BCL2L1: variants seen among roughly 807,000 people sequenced by gnomAD.
BCL2L1 encodes the protein bcl-2-like protein 1.
In BCL2L1, 1 loss-of-function variant was observed where a neutral mutation model predicts 18.7. That is an observed-to-expected ratio of 0.05 (90% CI 0.02 to 0.25). BCL2L1 has a LOEUF of 0.25. BCL2L1 is among the 10% of genes least tolerant of loss of function. The pLI, the probability that BCL2L1 is intolerant of heterozygous loss-of-function variation, is 1.00. For missense variants in BCL2L1, 207 were observed against 304.9 expected (o/e 0.68, Z 2.39); for synonymous variants, 103 against 122.7 (o/e 0.84, Z 1.06).
Position 31,681,964 on chromosome 20 carries a change from G to A in BCL2L1, c.565-15878C>T, listed in dbSNP as rs548939147. Reference sequence around the variant, plus strand: ...AGGGCAGGGCTCTGCCTAGGCTGTGGCTATTCCACTTTCAGCACACACATT... The same window carrying A: ...AGGGCAGGGCTCTGCCTAGGCTGTGACTATTCCACTTTCAGCACACACATT... On this transcript the variant is annotated intron_variant, in intron 2 of 2. Transcript: ENST00000307677. Among the ~76,000 whole-genome samples the A allele has an allele frequency of 2.0e-5, 3 of 152,334 alleles. No individual in the cohort carries two copies. In the South Asian group the frequency reaches 6.2e-4, roughly 32 times the overall value.
chr20:31,668,085 G>C (rs1015783896), intron 2 of BCL2L1, among the ~76,000 whole-genome samples: 1 of 151,916 alleles, frequency 6.6e-6, no homozygotes, highest in East Asian at 1.9e-4. Flanking sequence ...CTTCACTCCA[G>C]TCCCACTGGC....
chr20:31,706,231 G>A (rs6060821), intron 2 of BCL2L1, among the ~76,000 whole-genome samples: 44,217 of 151,982 alleles, frequency 0.29, 8,067 homozygotes, highest in African/African-American at 0.51. Flanking sequence ...GAAGTCCAGC[G>A]TAGGCAGGTA....
At chr20:31,702,357 G>A (rs988687828) in intron 2 of BCL2L1, among the ~76,000 whole-genome samples, 1 of 152,122 alleles carries the variant, frequency 6.6e-6, no homozygotes, top group East Asian at 1.9e-4. Context: ...GTTTTGCTGG[G>A]TGCAGTGGAT....
intron 2 of BCL2L1, among the ~76,000 whole-genome samples, chr20:31,667,387 G>C (rs1298009221): frequency 6.6e-6 from 1 of 151,834 alleles, no homozygotes; most frequent in Admixed American, 6.6e-5. Context: ...TTTGAACCCG[G>C]GAGACGGAGG....
In BCL2L1 at chr20:31,665,183, C is replaced by A. The variant is rs990927727; in HGVS notation, c.*766G>T. The stretch of plus-strand genomic sequence containing the variant: ...GGCATCTGTCTTGGGCCCAGTTGGT[C>A]CCTCAGTATGGTCATGGGAGCCAGG... On this transcript the variant is annotated 3_prime_UTR_variant, in exon 3 of 3. Coordinates refer to ENST00000307677, the MANE Select transcript of BCL2L1 (RefSeq NM_138578.3). 6.3e-5 allele frequency: 11 copies of A among 174,354 alleles called. No individual in the cohort carries two copies. The highest frequency in any genetic ancestry group is 2.5e-4 in the Admixed American group (4 of 15,724). The allele number at this position is 174,354 out of a possible 1,614,324, so 10.8% of individuals were successfully genotyped here.
At chr20:31,706,807 T>C (rs1366260986) in intron 2 of BCL2L1, among the ~76,000 whole-genome samples, 2 of 152,206 alleles carry the variant, frequency 1.3e-5, no homozygotes, top group Non-Finnish European at 2.9e-5. Context: ...GTTCTCAAAG[T>C]GCTTTTTCAT....
At chr20:31,672,809 C>T (rs1170017629) in intron 2 of BCL2L1, among the ~76,000 whole-genome samples, 1 of 152,182 alleles carries the variant, frequency 6.6e-6, no homozygotes, top group African/African-American at 2.4e-5. Context: ...ATAGTCCCTA[C>T]TTGAATCTGA....
At chr20:31,668,665 C>T (rs1255237077) in intron 2 of BCL2L1, among the ~76,000 whole-genome samples, 1 of 146,736 alleles carries the variant, frequency 6.8e-6, no homozygotes, top group Admixed American at 7.1e-5. Context: ...AGTACAATGG[C>T]GCGATCTCAG....
chr20:31,721,457 C>T, intron 2 of BCL2L1, 198 bp downstream of exon 2: 5 of 613,912 alleles, frequency 8.1e-6, no homozygotes, highest in Non-Finnish European at 1.3e-5. Flanking sequence ...TGAAAGATGC[C>T]TGATCTCTGA....
chr20:31,675,712 C>T (rs1206451207), intron 2 of BCL2L1, among the ~76,000 whole-genome samples: 8 of 152,124 alleles, frequency 5.3e-5, no homozygotes, highest in Admixed American at 3.3e-4. Context: ...TCAGTCCAGC[C>T]GGCCCAGGTA....
chr20:31,695,980 A>G (rs2061162072), intron 2 of BCL2L1, among the ~76,000 whole-genome samples: 1 of 151,992 alleles, frequency 6.6e-6, no homozygotes, highest in South Asian at 2.1e-4. Context: ...GGTTGTCACT[A>G]TGTTGCCCAG....
chr20:31,711,819 T>C (rs896602605), intron 2 of BCL2L1, among the ~76,000 whole-genome samples: 1 of 152,116 alleles, frequency 6.6e-6, no homozygotes, highest in Non-Finnish European at 1.5e-5. Context: ...AAATAACTTA[T>C]AAAAGGAGTT....
At chr20:31,689,561 G>A (rs1042002312) in intron 2 of BCL2L1, among the ~76,000 whole-genome samples, 25 of 152,076 alleles carry the variant, frequency 1.6e-4, no homozygotes, top group African/African-American at 5.5e-4. Flanking sequence ...GCTGGCAACC[G>A]CCTGAAAATC....
At chr20:31,695,653 C>T (rs2061154948) in intron 2 of BCL2L1, among the ~76,000 whole-genome samples, 1 of 152,156 alleles carries the variant, frequency 6.6e-6, no homozygotes, top group African/African-American at 2.4e-5. Flanking sequence ...GGCTTTGTCG[C>T]TCTGGCTGAT....
At position 31,665,968 on chromosome 20, in the gene BCL2L1, G is replaced by A. The variant is rs756307657; in HGVS notation, c.683C>T (p.Ser228Leu). The A allele has an allele frequency of 1.9e-6, 3 of 1,613,828 alleles. No homozygotes were observed. The highest frequency in any genetic ancestry group is 1.3e-5 in the African/African-American group (1 of 74,994). Residue 228 changes from serine to leucine, a missense_variant, in exon 3 of 3, where the codon TCA becomes TTA. Coordinates refer to ENST00000307677, the MANE Select transcript of BCL2L1 (RefSeq NM_138578.3). ...GTCTGGTCATTTCCGACTGAAGAGT[G>A]AGCCCAGCAGAACCACGCCGGCCAC... ...MTVAGVVLLGSLFSRK is the reference protein window; with the variant it reads ...MTVAGVVLLGLLFSRK
At chr20:31,698,898 G>A (rs1288958708) in intron 2 of BCL2L1, among the ~76,000 whole-genome samples, 1 of 152,066 alleles carries the variant, frequency 6.6e-6, no homozygotes, top group African/African-American at 2.4e-5. Flanking sequence ...CCAATAGTGT[G>A]GTGGCTGGTC....
chr20:31,701,613 A>G (rs2061278408), intron 2 of BCL2L1, among the ~76,000 whole-genome samples: 1 of 152,240 alleles, frequency 6.6e-6, no homozygotes, highest in South Asian at 2.1e-4. Flanking sequence ...AAAAAATAAG[A>G]TTGGTCCAGT....
At chr20:31,723,730 C>G (rs1157538521), upstream of BCL2L1, 1 of 985,380 alleles carries the variant, frequency 1.0e-6, no homozygotes. Context: ...AGGCGGCGCT[C>G]TCACCTGCGA....
chr20:31,699,245 C>T (rs532660520), intron 2 of BCL2L1, among the ~76,000 whole-genome samples: 48 of 152,348 alleles, frequency 3.2e-4, no homozygotes, highest in African/African-American at 1.1e-3. Flanking sequence ...ACCCTGCAGA[C>T]AGGTGGAACA....
Sources: allele counts gnomAD v4.1 joint callset (sites outside exome capture counted in the v4.1 genomes callset), GRCh38; gene constraint gnomAD v4.1.1; transcripts MANE v1.5; gene names NCBI Gene and HGNC (gene_info 2026-07-23, HGNC 2026-07-21).